Variants in USP15 observed in about 807,000 individuals in gnomAD.
USP15 encodes the protein ubiquitin carboxyl-terminal hydrolase 15.
In USP15, 18 loss-of-function variants were observed where a neutral mutation model predicts 127.1. The observed-to-expected ratio is 0.14, with a 90% CI of 0.10 to 0.21. The LOEUF (loss-of-function observed/expected upper bound fraction) is 0.21, where lower values mean the gene tolerates loss of function less well. Ranked by LOEUF, USP15 falls within the 10% of genes least tolerant of loss-of-function variation. USP15 has a pLI of 1.00. For synonymous variants in USP15, 364 were observed against 393.7 expected (o/e 0.92, Z 0.89); for missense variants, 805 against 1,159.9 (o/e 0.69, Z 4.44).
intron 3 of USP15, among the ~76,000 whole-genome samples, chr12:62,308,185 A>G (rs12826072): frequency 0.062 from 9,398 of 152,106 alleles, 405 homozygotes; most frequent in Middle Eastern, 0.11. Flanking sequence ...ATAGATGACA[A>G]ATTTCTGAAC....
At chr12:62,387,122 T>TA (rs2067175647) in intron 11 of USP15, among the ~76,000 whole-genome samples, 1 of 152,142 alleles carries the variant, frequency 6.6e-6, no homozygotes, top group African/African-American at 2.4e-5. Flanking sequence ...TATGCTGACT[T>TA]ACAGATGCAT....
chr12:62,273,085 G>T (rs2063381807), intron 1 of USP15, among the ~76,000 whole-genome samples: 1 of 151,868 alleles, frequency 6.6e-6, no homozygotes, highest in Admixed American at 6.6e-5. Context: ...CCCCCACCTT[G>T]TCATAAACTC....
chr12:62,389,619 T>A lies in USP15; in HGVS notation c.1572T>A (p.Asp524Glu), dbSNP rs746675402. 1 of 1,612,652 alleles carries A rather than the reference T, an allele frequency of 6.2e-7. No individual in the cohort carries two copies. The highest frequency in any genetic ancestry group is 8.5e-7 in the Non-Finnish European group (1 of 1,179,094). ...TTTCCTTTTAGATGATAGTTACTGA[T>A]ATATACAATCATAGATTTCACAGAA... is the stretch of plus-strand genomic sequence containing the variant. ...GIPADKMIVT[D>E]IYNHRFHRIF... is the part of the protein sequence containing the mutation. Residue 524 changes from aspartate (D) to glutamate (E), a missense_variant, in exon 13 of 22, where the codon GAT becomes GAA. Coordinates refer to ENST00000280377, the MANE Select transcript of USP15 (RefSeq NM_001252078.2).
At chr12:62,289,739 T>G (rs562038218) in intron 1 of USP15, among the ~76,000 whole-genome samples, 1 of 65,316 alleles carries the variant, frequency 1.5e-5, no homozygotes, top group African/African-American at 6.9e-5. Context: ...GTGTGTGTGT[T>G]TAGACAGCAG....
intron 7 of USP15, among the ~76,000 whole-genome samples, chr12:62,349,838 AAC>A (rs955124656): frequency 6.6e-6 from 1 of 152,016 alleles, no homozygotes; most frequent in African/African-American, 2.4e-5. Context: ...CTATAAGAAA[AAC>A]AGTTGAAAGT....
At position 62,410,818 on chromosome 12, in the gene USP15, G is replaced by GCATT. The variant is rs1565929153; in HGVS notation, c.*6444_*6447dup. 2.0e-5 allele frequency: 3 copies of GCATT among 150,998 alleles called. No homozygotes were observed. Among genetic ancestry groups the GCATT allele is most frequent in the Non-Finnish European group, 4.4e-5 (3 of 67,858 alleles). 9.4% of individuals were successfully genotyped at this position (150,998 alleles called of 1,614,324 possible). ...TTAGCAAAGGAATTAATAACTAATA[G>GCATT]CATTGATGAGTCAAGTTAATATTTG... On this transcript the variant is annotated 3_prime_UTR_variant, in exon 22 of 22. Transcript: ENST00000280377.
chr12:62,366,602 TGA>T (rs1265371566), intron 8 of USP15, among the ~76,000 whole-genome samples: 1 of 152,282 alleles, frequency 6.6e-6, no homozygotes, highest in East Asian at 1.9e-4. Context: ...ATAGGAGTGG[TGA>T]GAGAGGGCAT....
rs891617617 is a variant in USP15 at position 62,260,480 on chromosome 12, C to T, written c.66C>T (p.Thr22=). Residue 22 remains threonine, a synonymous_variant, in exon 1 of 22, where the codon ACC becomes ACT. Coordinates refer to ENST00000280377, the MANE Select transcript of USP15 (RefSeq NM_001252078.2). ...QRSDIATLLK[T]SLRKGDTWYL... ...CTGACATCGCGACGCTGCTCAAAAC[C>T]TCGCTCCGGAAAGGGGACACCTGGT... 5 of 1,551,536 alleles carry T rather than the reference C, an allele frequency of 3.2e-6. No individual in the cohort carries two copies. The African/African-American group carries it at 5.5e-5, about 17-fold the overall frequency.
At chr12:62,367,558 G>A (rs2066519360) in intron 8 of USP15, among the ~76,000 whole-genome samples, 1 of 152,144 alleles carries the variant, frequency 6.6e-6, no homozygotes, top group South Asian at 2.1e-4. Flanking sequence ...TTGGGAGAGT[G>A]TATGTGTCCA....
chr12:62,292,017 T>A (rs573639059), intron 1 of USP15, among the ~76,000 whole-genome samples: 2 of 152,300 alleles, frequency 1.3e-5, no homozygotes, highest in East Asian at 3.9e-4. Context: ...TTGACCTTTG[T>A]TTGCCAGGGA....
chr12:62,330,750 G>C (rs1225168849), intron 6 of USP15, among the ~76,000 whole-genome samples: 1 of 140,606 alleles, frequency 7.1e-6, no homozygotes, highest in Non-Finnish European at 1.5e-5. Flanking sequence ...ACAAGACCCC[G>C]TCTCTACAAA....
At chr12:62,343,235 GC>G (rs1223699455) in intron 6 of USP15, among the ~76,000 whole-genome samples, 1 of 152,154 alleles carries the variant, frequency 6.6e-6, no homozygotes, top group Non-Finnish European at 1.5e-5. Context: ...ACCTACTAAA[GC>G]CTCAGTAATG....
intron 1 of USP15, 128 bp downstream of exon 1, chr12:62,260,631 GA>G (rs2063015296): frequency 1.2e-6 from 1 of 830,714 alleles, no homozygotes; most frequent in Admixed American, 2.7e-5. Context: ...GGGGCAGCGG[GA>G]TTTTGGCCGC....
chr12:62,413,145 A>G lies in USP15; in HGVS notation c.*8770A>G, dbSNP rs1228132377. On this transcript the variant is annotated 3_prime_UTR_variant, in exon 22 of 22. Coordinates refer to ENST00000280377, the MANE Select transcript of USP15 (RefSeq NM_001252078.2). ...CTTGTCAATGAGCAGTAATATTTTGAAAGGAATCTTTTTCTGAGCAATAGA... is the reference window on the plus strand; with the variant it reads ...CTTGTCAATGAGCAGTAATATTTTGGAAGGAATCTTTTTCTGAGCAATAGA... 2.0e-5 allele frequency: 3 copies of G among 152,182 alleles called. No homozygotes were observed. The highest frequency in any genetic ancestry group is 7.2e-5 in the African/African-American group (3 of 41,450). The allele number at this position is 152,182 out of a possible 1,614,324, so 9.4% of individuals were successfully genotyped here.
At chr12:62,292,937 G>A (rs2064017116) in intron 1 of USP15, among the ~76,000 whole-genome samples, 1 of 152,148 alleles carries the variant, frequency 6.6e-6, no homozygotes, top group African/African-American at 2.4e-5. Flanking sequence ...GAGCTCCCAG[G>A]ATGTGGAAGC....
Position 62,414,471 on chromosome 12 carries a change from G to T in USP15, c.*10096G>T, listed in dbSNP as rs962188617. On this transcript the variant is annotated 3_prime_UTR_variant, in exon 22 of 22. Transcript: ENST00000280377. ...TCCTCCCACCTCAGCCTCCGAAGTA[G>T]CTGGGTCTACAGGCATGTGCCACCA... 1 of 152,274 alleles carries T rather than the reference G, an allele frequency of 6.6e-6. No homozygotes were observed. Among genetic ancestry groups the T allele is most frequent in the Non-Finnish European group, 1.5e-5 (1 of 68,116 alleles). The allele number at this position is 152,274 out of a possible 1,614,324, so 9.4% of individuals were successfully genotyped here.
At chr12:62,394,966 AAAT>A (rs1394664502) in intron 19 of USP15, among the ~76,000 whole-genome samples, 7 of 152,172 alleles carry the variant, frequency 4.6e-5, no homozygotes, top group African/African-American at 7.2e-5. Flanking sequence ...GAACAACCAG[AAAT>A]AATAATAAGC....
intron 3 of USP15, among the ~76,000 whole-genome samples, chr12:62,308,200 G>T (rs537691442): frequency 6.6e-6 from 1 of 152,052 alleles, no homozygotes; most frequent in Admixed American, 6.6e-5. Flanking sequence ...CTGAACTCCA[G>T]GTTGCTAAAA....
chr12:62,278,892 C>T (rs1364390644), intron 1 of USP15, among the ~76,000 whole-genome samples: 1 of 152,056 alleles, frequency 6.6e-6, no homozygotes, highest in South Asian at 2.1e-4. Flanking sequence ...ACAGAATCAT[C>T]GTATGGATAT....
Sources: gnomAD v4.1 joint callset for allele counts (sites outside exome capture counted in the v4.1 genomes callset) on GRCh38, gnomAD v4.1.1 for gene constraint, MANE v1.5 for transcripts, NCBI Gene and HGNC (gene_info 2026-07-23, HGNC 2026-07-21) for gene names.